The following CHODL variants were observed in gnomAD, a reference collection of about 807,000 sequenced individuals.
CHODL encodes the protein chondrolectin, also known as transmembrane protein MT75.
Under a neutral mutation model 34.5 loss-of-function variants are expected in CHODL, and 29 were observed. That is an observed-to-expected ratio of 0.84 (90% CI 0.63 to 1.15). The LOEUF (loss-of-function observed/expected upper bound fraction) is 1.15, where lower values mean the gene tolerates loss of function less well. Among genes scored for constraint, CHODL ranks in the 50% most tolerant of loss-of-function variants. The pLI is 0.00. For missense variants in CHODL, 332 were observed against 332.5 expected, an observed-to-expected ratio of 1.00 and a Z score of 0.01; for synonymous variants, 125 against 116.1, an observed-to-expected ratio of 1.08 and a Z score of -0.49.
chr21:17,938,304 T>C (rs2063332921), intron 1 of CHODL, among the ~76,000 whole-genome samples: 1 of 151,950 alleles, frequency 6.6e-6, no homozygotes, highest in South Asian at 2.1e-4. Flanking sequence ...AAAGGCAAGG[T>C]TCTGTTTTCC....
At chr21:18,140,937 G>A (rs1464383504) in intron 2 of CHODL, among the ~76,000 whole-genome samples, 1 of 151,834 alleles carries the variant, frequency 6.6e-6, no homozygotes, top group Non-Finnish European at 1.5e-5. Flanking sequence ...AGAATGTTCT[G>A]GCACAGATAT....
intron 1 of CHODL, among the ~76,000 whole-genome samples, chr21:17,991,856 A>C (rs1416443821): frequency 6.6e-6 from 1 of 152,058 alleles, no homozygotes; most frequent in African/African-American, 2.4e-5. Context: ...ATTTGAAGTC[A>C]TAGCCATTTG....
intron 2 of CHODL, among the ~76,000 whole-genome samples, chr21:18,083,493 C>T (rs2064966760): frequency 6.6e-6 from 1 of 152,156 alleles, no homozygotes. Flanking sequence ...GATCCACCAA[C>T]AGCTTGCACC....
chr21:18,019,489 CAAAG>C (rs1401387939), intron 1 of CHODL, among the ~76,000 whole-genome samples: 2 of 151,928 alleles, frequency 1.3e-5, no homozygotes, highest in Admixed American at 6.6e-5. Flanking sequence ...GTTTGTAATA[CAAAG>C]AAAGGATAAA....
At chr21:18,226,577 G>A (rs965739055) in intron 2 of CHODL, among the ~76,000 whole-genome samples, 9 of 152,060 alleles carry the variant, frequency 5.9e-5, no homozygotes, top group Non-Finnish European at 1.0e-4. Context: ...GGGATTACAG[G>A]TGTGAGCCAC....
intron 1 of CHODL, among the ~76,000 whole-genome samples, chr21:17,922,781 A>G (rs1348918590): frequency 6.6e-6 from 1 of 152,154 alleles, no homozygotes; most frequent in Non-Finnish European, 1.5e-5. Context: ...AATATCTGAG[A>G]CAGGTCTCAG....
chr21:18,167,205 CTCTCTCTGTGTGTG>C (rs2073165180), intron 2 of CHODL, among the ~76,000 whole-genome samples: 1 of 109,332 alleles, frequency 9.1e-6, no homozygotes, highest in East Asian at 2.6e-4. Context: ...TCCCATTTCT[CTCTCTCTGTGTGTG>C]TGTGTGTGTG....
intron 1 of CHODL, among the ~76,000 whole-genome samples, chr21:17,991,783 C>T (rs1158298471): frequency 1.3e-5 from 2 of 151,168 alleles, no homozygotes; most frequent in South Asian, 2.1e-4. Flanking sequence ...CAGGTTGTCT[C>T]TTTATGCTGT....
chr21:18,232,971 A>ATG (rs1320442091), intron 2 of CHODL, among the ~76,000 whole-genome samples: 1 of 133,874 alleles, frequency 7.5e-6, no homozygotes, highest in South Asian at 2.3e-4. Context: ...ATATATATAT[A>ATG]TGTATATATA....
At chr21:18,183,418 G>T (rs971910274) in intron 2 of CHODL, among the ~76,000 whole-genome samples, 1 of 152,184 alleles carries the variant, frequency 6.6e-6, no homozygotes, top group African/African-American at 2.4e-5. Context: ...AAGTGCCTCT[G>T]CACCTTGTAC....
intron 2 of CHODL, among the ~76,000 whole-genome samples, chr21:18,181,608 T>C (rs1013593867): frequency 2.0e-5 from 3 of 152,192 alleles, no homozygotes; most frequent in African/African-American, 7.2e-5. Context: ...TTCACCGTGG[T>C]CTGGATATCC....
upstream of CHODL, among the ~76,000 whole-genome samples, chr21:18,243,461 A>G (rs60696598): frequency 0.32 from 49,196 of 152,070 alleles, 9,928 homozygotes; most frequent in African/African-American, 0.58. Context: ...ACTGCCCATG[A>G]TTCTGCAATG....
At chr21:18,246,108 CCTTA>C in intron 1 of CHODL, 1 of 673,848 alleles carries the variant, frequency 1.5e-6, no homozygotes, top group Middle Eastern at 2.4e-4. Flanking sequence ...AATTACTCTC[CCTTA>C]CTTTTTGGGA....
At chr21:17,973,802 GAA>G (rs369903501) in intron 1 of CHODL, among the ~76,000 whole-genome samples, 28 of 124,966 alleles carry the variant, frequency 2.2e-4, no homozygotes, top group Admixed American at 3.2e-4. Context: ...TATCTTTCAG[GAA>G]AAAAAAAAAA....
intron 2 of CHODL, among the ~76,000 whole-genome samples, chr21:18,117,911 C>T (rs1433690343): frequency 6.6e-6 from 1 of 152,128 alleles, no homozygotes; most frequent in East Asian, 1.9e-4. Context: ...CCACATTTGG[C>T]TTGCTGTGCA....
At chr21:18,108,892 C>T (rs1260554510) in intron 2 of CHODL, among the ~76,000 whole-genome samples, 1 of 150,072 alleles carries the variant, frequency 6.7e-6, no homozygotes, top group African/African-American at 2.4e-5. Context: ...CTTTTTCTTT[C>T]TCGCACTATT....
chr21:17,921,651 T>C (rs1203017351), intron 1 of CHODL, among the ~76,000 whole-genome samples: 2 of 152,218 alleles, frequency 1.3e-5, no homozygotes, highest in Non-Finnish European at 2.9e-5. Flanking sequence ...TAGGCAGATG[T>C]TGTGTTAAGC....
At chr21:18,099,274 G>A (rs1601001720) in intron 2 of CHODL, among the ~76,000 whole-genome samples, 1 of 152,168 alleles carries the variant, frequency 6.6e-6, no homozygotes, top group African/African-American at 2.4e-5. Context: ...AATGCTTGAT[G>A]AGATGGATAC....
intron 2 of CHODL, among the ~76,000 whole-genome samples, chr21:18,136,010 G>C (rs575317367): frequency 6.9e-6 from 1 of 144,340 alleles, no homozygotes; most frequent in African/African-American, 2.6e-5. Flanking sequence ...GGGAGGCTGA[G>C]ACAGAAGAAT....
Sources: gnomAD v4.1 joint callset for allele counts (sites outside exome capture counted in the v4.1 genomes callset) on GRCh38, gnomAD v4.1.1 for gene constraint, MANE v1.5 for transcripts, NCBI Gene and HGNC (gene_info 2026-07-23, HGNC 2026-07-21) for gene names.